STEAP2: variants seen among roughly 807,000 people sequenced by gnomAD.
STEAP2 encodes metalloreductase STEAP2.
Under a neutral mutation model 46.4 loss-of-function variants are expected in STEAP2, and 30 were observed. The observed-to-expected ratio is 0.65, with a 90% CI of 0.48 to 0.88. The LOEUF is 0.88. Among genes scored for constraint, STEAP2 ranks in the 40% least tolerant of loss-of-function variants. STEAP2 has a pLI of 0.00. For missense variants in STEAP2, 513 were observed against 579.3 expected (o/e 0.89, Z 1.18); for synonymous variants, 180 against 200.5 (o/e 0.90, Z 0.86).
chr7:90,212,388 A>G (rs1444469345), intron 1 of STEAP2: 2 of 152,428 alleles, frequency 1.3e-5, no homozygotes, highest in Non-Finnish European at 2.9e-5. Context: ...CGCCCCCTTG[A>G]TAGTCTCCCT....
At chr7:90,218,406 T>A (rs748746871) in intron 2 of STEAP2, among the ~76,000 whole-genome samples, 2 of 152,116 alleles carry the variant, frequency 1.3e-5, no homozygotes, top group African/African-American at 2.4e-5. Flanking sequence ...TTGGGTCTTA[T>A]GTTTAAGTCT....
chr7:90,238,183 T>A, downstream of STEAP2: 1 of 716,496 alleles, frequency 1.4e-6, no homozygotes, highest in Non-Finnish European at 2.6e-6. Flanking sequence ...TGTTGAGGAG[T>A]CCTGTACACT....
At position 90,235,936 on chromosome 7, in the gene STEAP2, C is replaced by T; in HGVS notation, c.*3312C>T. 1 of 983,816 alleles carries T rather than the reference C, an allele frequency of 1.0e-6. No individual in the cohort carries two copies. Among genetic ancestry groups the T allele is most frequent in the Non-Finnish European group, 1.2e-6 (1 of 828,574 alleles). 60.9% of individuals were successfully genotyped at this position (983,816 alleles called of 1,614,324 possible). A position where few individuals can be genotyped will look rare whatever the true frequency, so the allele number is the denominator to read the frequency against. On this transcript the variant is annotated 3_prime_UTR_variant, in exon 6 of 6. Transcript: ENST00000394621. The stretch of plus-strand genomic sequence containing the variant: ...CTAATGAGCTCTAGTGTTAAACTAC[C>T]TGATTAATTTCTTATAAAGCAGCAT...
intron 2 of STEAP2, among the ~76,000 whole-genome samples, chr7:90,223,243 A>G (rs991664769): frequency 7.9e-5 from 12 of 152,164 alleles, no homozygotes; most frequent in Non-Finnish European, 1.8e-4. Context: ...CTGATCAACA[A>G]CTTTCTCACA....
rs561042364 is a variant in STEAP2, at chr7:90,234,804, T to C, written c.*2180T>C. 2.0e-4 allele frequency: 173 copies of C among 883,014 alleles called. No homozygotes were observed. In the African/African-American group the frequency reaches 2.0e-3, roughly 10 times the overall value. The allele number at this position is 883,014 out of a possible 1,614,324, so 54.7% of individuals were successfully genotyped here. A position where few individuals can be genotyped will look rare whatever the true frequency, so the allele number is the denominator to read the frequency against. ...TCCTGACCTCGTGATCCGCCCGCCT[T>C]GGCCTCCAAAGTGCTGGGATTACAG... On this transcript the variant is annotated 3_prime_UTR_variant, in exon 6 of 6. Coordinates refer to ENST00000394621, the MANE Select transcript of STEAP2 (RefSeq NM_001244944.2).
chr7:90,232,151 C>CAT (rs1240432493), intron 5 of STEAP2, among the ~76,000 whole-genome samples, 186 bp from the exon 6 acceptor site: 2 of 151,592 alleles, frequency 1.3e-5, no homozygotes, highest in Non-Finnish European at 2.9e-5. Flanking sequence ...ATAAATAATA[C>CAT]ATATATATGC....
intron 2 of STEAP2, among the ~76,000 whole-genome samples, chr7:90,221,860 A>G (rs1300913744): frequency 6.6e-6 from 1 of 152,222 alleles, no homozygotes; most frequent in Non-Finnish European, 1.5e-5. Flanking sequence ...TACAGAAGGG[A>G]TTTGAACTTG....
chr7:90,232,821 A>T lies in STEAP2; in HGVS notation c.*197A>T. On this transcript the variant is annotated 3_prime_UTR_variant, in exon 6 of 6. Transcript: ENST00000394621. ...CATGTTTGCCAATATGAATTTTTCT[A>T]GTCAACATATTATTGTAATTTAGGT... The T allele has an allele frequency of 3.1e-6, 4 of 1,282,674 alleles. No individual in the cohort carries two copies. Among genetic ancestry groups the T allele is most frequent in the Non-Finnish European group, 3.9e-6 (4 of 1,012,904 alleles). The allele number at this position is 1,282,674 out of a possible 1,614,324, so 79.5% of individuals were successfully genotyped here. A position where few individuals can be genotyped will look rare whatever the true frequency, so the allele number is the denominator to read the frequency against.
chr7:90,233,038 T>C lies in STEAP2; in HGVS notation c.*414T>C. ...AAGATTAAGATTTTAATTATTCAAC[T>C]TAAAAAGTAGAAATGCATTATTATA... On this transcript the variant is annotated 3_prime_UTR_variant, in exon 6 of 6. Transcript: ENST00000394621. The C allele has an allele frequency of 9.3e-6, 9 of 970,654 alleles. No homozygotes were observed. The South Asian group carries it at 2.4e-4, about 26-fold the overall frequency. 60.1% of individuals were successfully genotyped at this position (970,654 alleles called of 1,614,324 possible).
chr7:90,234,093 A>G lies in STEAP2; in HGVS notation c.*1469A>G, dbSNP rs1795869062. Reference sequence around the variant, plus strand: ...AGTCTTCTCCTTTTCTCTTCCTGAGAAGTTCTCCTGCCTGCATAACCATTC... The same window carrying G: ...AGTCTTCTCCTTTTCTCTTCCTGAGGAGTTCTCCTGCCTGCATAACCATTC... On this transcript the variant is annotated 3_prime_UTR_variant, in exon 6 of 6. Coordinates refer to ENST00000394621, the MANE Select transcript of STEAP2 (RefSeq NM_001244944.2). 1.0e-6 allele frequency: 1 copy of G among 985,296 alleles called. No homozygotes were observed. Among genetic ancestry groups the G allele is most frequent in the Non-Finnish European group, 1.2e-6 (1 of 829,952 alleles). The allele number at this position is 985,296 out of a possible 1,614,324, so 61.0% of individuals were successfully genotyped here. A position where few individuals can be genotyped will look rare whatever the true frequency, so the allele number is the denominator to read the frequency against.
In STEAP2 at chr7:90,235,079, G is replaced by A. The variant is rs1489675908; in HGVS notation, c.*2455G>A. 4 of 949,002 alleles carry A rather than the reference G, an allele frequency of 4.2e-6. No individual in the cohort carries two copies. The highest frequency in any genetic ancestry group is 3.8e-6 in the Non-Finnish European group (3 of 796,836). 58.8% of individuals were successfully genotyped at this position (949,002 alleles called of 1,614,324 possible). On this transcript the variant is annotated 3_prime_UTR_variant, in exon 6 of 6. Coordinates refer to ENST00000394621, the MANE Select transcript of STEAP2 (RefSeq NM_001244944.2). ...TTAACACTATGCTTAACCACTTAAT[G>A]TGATGAAATATTCCTAAAAGTTAAA... is the stretch of plus-strand genomic sequence containing the variant.
At chr7:90,222,869 C>A (rs1795309203) in intron 2 of STEAP2, among the ~76,000 whole-genome samples, 1 of 152,028 alleles carries the variant, frequency 6.6e-6, no homozygotes, top group African/African-American at 2.4e-5. Context: ...AACATTCCAC[C>A]TGTGCCTGTA....
Position 90,236,962 on chromosome 7 carries a change from T to G in STEAP2, c.*4338T>G. 4 of 1,614,028 alleles carry G rather than the reference T, an allele frequency of 2.5e-6. No homozygotes were observed. Among genetic ancestry groups the G allele is most frequent in the Non-Finnish European group, 3.4e-6 (4 of 1,179,956 alleles). ...TTGTCTTCCTATTGACTCTACTTCT[T>G]TAAAAGCGGCTGCCCATTACATTCC... On this transcript the variant is annotated 3_prime_UTR_variant, in exon 6 of 6. Coordinates refer to ENST00000394621, the MANE Select transcript of STEAP2 (RefSeq NM_001244944.2).
intron 5 of STEAP2, among the ~76,000 whole-genome samples, chr7:90,231,244 A>G (rs1795730395): frequency 6.6e-6 from 1 of 151,834 alleles, no homozygotes; most frequent in African/African-American, 2.4e-5. Context: ...CTATATTTTA[A>G]TTGTTGTTTA....
chr7:90,230,003 T>A lies in STEAP2; in HGVS notation c.1152T>A (p.Asn384Lys). 1 of 1,613,278 alleles carries A rather than the reference T, an allele frequency of 6.2e-7. No individual in the cohort carries two copies. The highest frequency in any genetic ancestry group is 8.5e-7 in the Non-Finnish European group (1 of 1,179,446). Residue 384 changes from asparagine to lysine, a missense_variant, in exon 5 of 6, where the codon AAT (asparagine) becomes AAA (lysine). By Grantham distance (94) the Asn-to-Lys change is moderately conservative (BLOSUM62 0). Transcript: ENST00000394621. ...LAVTSIPSVS[N>K]ALNWREFSFI... ...TCACTTCTATCCCTTCAGTGAGCAATGCTTTAAACTGGAGAGAATTCAGTT... is the reference window on the plus strand; with the variant it reads ...TCACTTCTATCCCTTCAGTGAGCAAAGCTTTAAACTGGAGAGAATTCAGTT...
At chr7:90,238,366 A>G (rs1461724604), downstream of STEAP2, among the ~76,000 whole-genome samples, 1 of 152,218 alleles carries the variant, frequency 6.6e-6, no homozygotes, top group East Asian at 1.9e-4. Context: ...ACAAACAATA[A>G]ATTACTTTTT....
intron 1 of STEAP2, among the ~76,000 whole-genome samples, chr7:90,214,143 G>T (rs1218729742): frequency 2.6e-5 from 4 of 152,212 alleles, no homozygotes; most frequent in Non-Finnish European, 5.9e-5. Flanking sequence ...CAGAGTTCAG[G>T]TGAGATGATA....
Position 90,237,550 on chromosome 7 carries a change from T to C in STEAP2, c.*4926T>C, listed in dbSNP as rs1317445046. ...AATATTGCTATCAAATTACACACCATGTTTTCTATCATTCTCATAGATCTG... is the reference window on the plus strand; with the variant it reads ...AATATTGCTATCAAATTACACACCACGTTTTCTATCATTCTCATAGATCTG... On this transcript the variant is annotated 3_prime_UTR_variant, in exon 6 of 6. Coordinates refer to ENST00000394621, the MANE Select transcript of STEAP2 (RefSeq NM_001244944.2). 1 of 153,304 alleles carries C rather than the reference T, an allele frequency of 6.5e-6. No individual in the cohort carries two copies. 9.5% of individuals were successfully genotyped at this position (153,304 alleles called of 1,614,324 possible).
chr7:90,213,316 G>A (rs194506), intron 1 of STEAP2, among the ~76,000 whole-genome samples: 137,088 of 152,294 alleles, frequency 0.9, 61,980 homozygotes, highest in East Asian at 1. Flanking sequence ...TTGTATTTTA[G>A]TACTGAAAAA....
Sources: allele counts gnomAD v4.1 joint callset (sites outside exome capture counted in the v4.1 genomes callset), GRCh38; gene constraint gnomAD v4.1.1; transcripts MANE v1.5; gene names NCBI Gene and HGNC (gene_info 2026-07-23, HGNC 2026-07-21).